PDZD2: variants seen among roughly 807,000 people sequenced by gnomAD.
PDZD2 encodes the protein PDZ domain-containing protein 2.
In PDZD2, 90 loss-of-function variants were observed where a neutral mutation model predicts 220.7. The observed-to-expected ratio is 0.41, with a 90% CI of 0.34 to 0.49. PDZD2 has a LOEUF of 0.49. Among genes scored for constraint, PDZD2 ranks in the 20% least tolerant of loss-of-function variants. The pLI is 0.28. For missense variants in PDZD2, 3,174 were observed against 3,608.5 expected (o/e 0.88, Z 3.08); for synonymous variants, 1,375 against 1,450.5 (o/e 0.95, Z 1.18).
chr5:31,969,976 G>T (rs1016812850), intron 2 of PDZD2, among the ~76,000 whole-genome samples: 3 of 151,688 alleles, frequency 2.0e-5, no homozygotes, highest in Non-Finnish European at 2.9e-5. Flanking sequence ...TCGGCTCACC[G>T]CAACTTCCGC....
At chr5:31,742,729 T>C (rs2150168267) in intron 1 of PDZD2, among the ~76,000 whole-genome samples, 1 of 152,288 alleles carries the variant, frequency 6.6e-6, no homozygotes, top group East Asian at 1.9e-4. Context: ...ATCTGTAAAG[T>C]GGAATAATAT....
Position 32,090,188 on chromosome 5 carries a change from G to A in PDZD2, c.6740G>A (p.Arg2247Gln), listed in dbSNP as rs10066063. 0.09 allele frequency: 144,781 copies of A among 1,613,976 alleles called. 7,173 individuals carry two copies. The highest frequency in any genetic ancestry group is 0.23 in the East Asian group (10,483 of 44,840). Residue 2247 changes from arginine (R) to glutamine (Q), a missense_variant, in exon 20 of 25, where the codon CGG (arginine) becomes CAG (glutamine). Physicochemically the swap from Arg to Gln is conservative, Grantham distance 43. Around this residue, in one of 4 missense-constraint regions of PDZD2, gnomAD observed 631 missense variants for 789.9 expected, o/e 0.80. Coordinates refer to ENST00000438447, the MANE Select transcript of PDZD2 (RefSeq NM_178140.4). The surrounding 1 kb of genome is among the most constrained non-coding windows in gnomAD (Gnocchi z 4.3). Reference protein sequence around the residue: ...GHPPHSLGRSRDSQVPVTSSV... With the variant: ...GHPPHSLGRSQDSQVPVTSSV... ...CCCCCACACAGCCTGGGTCGCTCTC[G>A]GGACAGCCAGGTCCCTGTGACAAGC...
At chr5:31,788,229 G>A (rs1005035860) in intron 1 of PDZD2, among the ~76,000 whole-genome samples, 3 of 152,020 alleles carry the variant, frequency 2.0e-5, no homozygotes, top group Non-Finnish European at 4.4e-5. Context: ...AAATTAGCTG[G>A]GCATGATAGT....
chr5:31,876,297 C>T (rs200124622), intron 2 of PDZD2, among the ~76,000 whole-genome samples: 6 of 141,488 alleles, frequency 4.2e-5, no homozygotes, highest in East Asian at 2.1e-4. Flanking sequence ...AATTTTTTTT[C>T]TTTTTTTTTT....
intron 6 of PDZD2, among the ~76,000 whole-genome samples, chr5:32,030,028 T>G (rs1335012095): frequency 6.6e-6 from 1 of 152,234 alleles, no homozygotes; most frequent in East Asian, 1.9e-4. Context: ...CTTCAAGTGC[T>G]TTCTGTGTGT....
chr5:32,020,348 A>G (rs1162242172), intron 6 of PDZD2, among the ~76,000 whole-genome samples: 1 of 115,124 alleles, frequency 8.7e-6, no homozygotes, highest in Non-Finnish European at 2.2e-5. Context: ...GGCTGTTCAG[A>G]AATGAAACTG....
chr5:31,677,659 T>A (rs1746486818), intron 1 of PDZD2, among the ~76,000 whole-genome samples: 1 of 151,676 alleles, frequency 6.6e-6, no homozygotes, highest in African/African-American at 2.4e-5. Flanking sequence ...TATATCCATG[T>A]GATGGAGTAC....
At chr5:31,717,983 C>T (rs1404713440) in intron 1 of PDZD2, among the ~76,000 whole-genome samples, 2 of 152,214 alleles carry the variant, frequency 1.3e-5, no homozygotes, top group Admixed American at 6.5e-5. Context: ...TTCCTCGCCT[C>T]TCCTTCTCCT....
intron 2 of PDZD2, among the ~76,000 whole-genome samples, chr5:31,978,693 C>T (rs112734064): frequency 0.023 from 2,962 of 129,234 alleles, 110 homozygotes; most frequent in African/African-American, 0.088. Flanking sequence ...CTAGCCTGGG[C>T]GACAGAGCGA....
At chr5:31,658,763 G>A (rs921396820) in intron 1 of PDZD2, among the ~76,000 whole-genome samples, 1 of 152,098 alleles carries the variant, frequency 6.6e-6, no homozygotes, top group African/African-American at 2.4e-5. Flanking sequence ...GGGATTACAG[G>A]CACACGCCAC....
chr5:31,810,730 C>T (rs755889507), intron 2 of PDZD2, among the ~76,000 whole-genome samples: 1 of 152,228 alleles, frequency 6.6e-6, no homozygotes, highest in African/African-American at 2.4e-5. Flanking sequence ...CAGAAATGAA[C>T]AGACTTGCAC....
At chr5:31,649,295 T>C (rs1745251523) in intron 1 of PDZD2, among the ~76,000 whole-genome samples, 1 of 152,028 alleles carries the variant, frequency 6.6e-6, no homozygotes, top group South Asian at 2.1e-4. Context: ...CTATGACTCC[T>C]TCTCTTAGCA....
intron 1 of PDZD2, among the ~76,000 whole-genome samples, chr5:31,727,390 T>A (rs369945638): frequency 6.6e-6 from 1 of 152,200 alleles, no homozygotes; most frequent in East Asian, 1.9e-4. Flanking sequence ...CCAGCCTGCA[T>A]ATAATGAAGC....
chr5:31,849,898 A>G (rs1561506812), intron 2 of PDZD2, among the ~76,000 whole-genome samples: 2 of 34,648 alleles, frequency 5.8e-5, no homozygotes, highest in African/African-American at 4.7e-4. Context: ...ACACATATAT[A>G]TATATACATA....
intron 7 of PDZD2, among the ~76,000 whole-genome samples, chr5:32,044,772 C>T (rs1737767982): frequency 1.3e-5 from 2 of 152,066 alleles, no homozygotes; most frequent in African/African-American, 2.4e-5. Flanking sequence ...TTACATGCTC[C>T]GCAGTTTTGG....
At chr5:31,859,800 A>ATAGAACAATGTCTCAGAATC (rs1554084493) in intron 2 of PDZD2, among the ~76,000 whole-genome samples, 1 of 152,214 alleles carries the variant, frequency 6.6e-6, no homozygotes, top group African/African-American at 2.4e-5. Context: ...AGAAGGAGGC[A>ATAGAACAATGTCTCAGAATC]TAGAACAATG....
intron 1 of PDZD2, among the ~76,000 whole-genome samples, chr5:31,696,926 T>TCC (rs1417118638): frequency 6.6e-6 from 1 of 152,264 alleles, no homozygotes; most frequent in East Asian, 1.9e-4. Context: ...ATCTGAAGGT[T>TCC]CCAGGGTCAT....
intron 2 of PDZD2, among the ~76,000 whole-genome samples, chr5:31,861,760 T>C (rs779391453): frequency 1.3e-5 from 2 of 152,174 alleles, no homozygotes; most frequent in African/African-American, 2.4e-5. Context: ...TCTTCCGTCT[T>C]CCACCCTTTG....
chr5:32,060,383 A>C (rs573179833), intron 13 of PDZD2, among the ~76,000 whole-genome samples: 1 of 152,312 alleles, frequency 6.6e-6, no homozygotes, highest in East Asian at 1.9e-4. Flanking sequence ...TGTAATTTCC[A>C]GTCAAAATGG....
Sources: gnomAD v4.1 joint callset for allele counts (sites outside exome capture counted in the v4.1 genomes callset) on GRCh38, gnomAD v4.1.1 for gene constraint, gnomAD v4.1.1 regional missense constraint, Gnocchi (gnomAD v3.1) non-coding constraint, MANE v1.5 for transcripts, NCBI Gene and HGNC (gene_info 2026-07-23, HGNC 2026-07-21) for gene names.